GABRA1: variants seen among roughly 807,000 people sequenced by gnomAD.
GABRA1 encodes gamma-aminobutyric acid type A receptor subunit alpha1.
In GABRA1, 9 loss-of-function variants were observed where a neutral mutation model predicts 48.9. The ratio of observed to expected loss-of-function variants is 0.18; its 90% confidence interval spans 0.11 to 0.32. The LOEUF is 0.32. Among genes scored for constraint, GABRA1 ranks in the 10% least tolerant of loss-of-function variants. GABRA1 has a pLI of 1.00. For missense variants in GABRA1, 285 were observed against 553.8 expected, an observed-to-expected ratio of 0.51 and a Z score of 4.87; for synonymous variants, 210 against 198.7, an observed-to-expected ratio of 1.06 and a Z score of -0.48.
At chr5:161,893,048 T>TAAAAAAATA (rs3078113) in intron 8 of GABRA1, among the ~76,000 whole-genome samples, 1 of 141,994 alleles carries the variant, frequency 7.0e-6, no homozygotes, top group African/African-American at 2.6e-5. Context: ...ATAATAATAA[T>TAAAAAAATA]AAAATAAACA....
intron 5 of GABRA1, 60 bp downstream of exon 5, chr5:161,873,397 A>T: frequency 7.4e-7 from 1 of 1,347,846 alleles, no homozygotes; most frequent in Non-Finnish European, 1.1e-6. Context: ...TTCCACTTGT[A>T]GGCAATCATC....
chr5:161,847,246 TC>T (rs1757250084), upstream of GABRA1: 1 of 152,128 alleles, frequency 6.6e-6, no homozygotes, highest in South Asian at 2.1e-4. Context: ...CGTCCTGACT[TC>T]TAAAAATTCC....
In GABRA1 at chr5:161,865,375, T is replaced by G. The variant is rs112864552; in HGVS notation, c.188-346T>G. Reference sequence around the variant, plus strand: ...ATCTGTCTAGCCATGTAAAAATACTTAAGCTTAAGCTATACCAACATGTTA... The same window carrying G: ...ATCTGTCTAGCCATGTAAAAATACTGAAGCTTAAGCTATACCAACATGTTA... On this transcript the variant is annotated intron_variant, in intron 3 of 9. Transcript: ENST00000393943. Among the ~76,000 whole-genome samples the G allele has an allele frequency of 5.9e-5, 9 of 152,220 alleles. No homozygotes were observed. In the East Asian group the frequency reaches 1.7e-3, roughly 29 times the overall value.
At position 161,873,125 on chromosome 5, in the gene GABRA1, A is replaced by G; in HGVS notation, c.264A>G (p.Thr88=). 6.2e-7 allele frequency: 1 copy of G among 1,608,126 alleles called. No individual in the cohort carries two copies. Among genetic ancestry groups the G allele is most frequent in the Non-Finnish European group, 8.5e-7 (1 of 1,174,564 alleles). The part of the protein sequence containing the change: ...GPVSDHDMEY[T]IDVFFRQSWK... ...TTTCCAAAATTACCTAGGAATATAC[A>G]ATAGATGTATTTTTCCGTCAAAGCT... is the stretch of plus-strand genomic sequence containing the variant. Residue 88 remains threonine, a synonymous_variant, in exon 5 of 10, where the codon ACA becomes ACG. Coordinates refer to ENST00000393943, the MANE Select transcript of GABRA1 (RefSeq NM_001127644.2).
intron 3 of GABRA1, among the ~76,000 whole-genome samples, chr5:161,861,640 T>G (rs1038424705): frequency 6.6e-6 from 1 of 151,800 alleles, no homozygotes; most frequent in African/African-American, 2.4e-5. Context: ...ACATATCATC[T>G]AGGGGATAGT....
intron 7 of GABRA1, among the ~76,000 whole-genome samples, chr5:161,888,923 T>C (rs539441313): frequency 6.4e-4 from 98 of 152,162 alleles, no homozygotes; most frequent in Non-Finnish European, 1.2e-3. Flanking sequence ...TTTCACTATA[T>C]GAAGGTATTA....
Position 161,895,803 on chromosome 5 carries a change from G to T in GABRA1, c.994G>T (p.Ala332Ser). Residue 332 changes from alanine to serine, a missense_variant, in exon 9 of 10, where the codon GCC becomes TCC. Around this residue, in one of 6 missense-constraint regions of GABRA1, gnomAD observed 14 missense variants for 113.8 expected, o/e 0.12. Coordinates refer to ENST00000393943, the MANE Select transcript of GABRA1 (RefSeq NM_001127644.2). ...TGTGTTCTCAGCTCTGATTGAGTTT[G>T]CCACAGTAAACTATTTCACTAAGAG... ...AFVFSALIEF[A>S]TVNYFTKRGY... The T allele has an allele frequency of 6.2e-7, 1 of 1,614,006 alleles. No individual in the cohort carries two copies. Among genetic ancestry groups the T allele is most frequent in the Non-Finnish European group, 8.5e-7 (1 of 1,179,946 alleles).
At chr5:161,873,451 A>G (rs1412971520) in intron 5 of GABRA1, 114 bp downstream of exon 5, 7 of 860,800 alleles carry the variant, frequency 8.1e-6, no homozygotes, top group African/African-American at 1.7e-5. Flanking sequence ...TTGTTTTTCA[A>G]CCTTAACAAT....
intron 2 of GABRA1, chr5:161,853,591 A>T (rs1270730507): frequency 6.6e-6 from 1 of 151,924 alleles, no homozygotes; most frequent in Non-Finnish European, 1.5e-5. Flanking sequence ...ATGAATCTTA[A>T]GAGGAATGGA....
At chr5:161,878,553 C>T (rs1161353416) in intron 6 of GABRA1, among the ~76,000 whole-genome samples, 1 of 152,168 alleles carries the variant, frequency 6.6e-6, no homozygotes, top group Non-Finnish European at 1.5e-5. Context: ...TCTGAAGCAA[C>T]CTTATCCATA....
chr5:161,867,551 T>C (rs1753923343), intron 4 of GABRA1, among the ~76,000 whole-genome samples: 1 of 152,144 alleles, frequency 6.6e-6, no homozygotes, highest in Non-Finnish European at 1.5e-5. Context: ...GTATATATTA[T>C]TATAGTTGCC....
intron 6 of GABRA1, among the ~76,000 whole-genome samples, chr5:161,881,080 A>G (rs1414931263): frequency 6.6e-6 from 1 of 152,224 alleles, no homozygotes; most frequent in Non-Finnish European, 1.5e-5. Context: ...ATTTCAAAAG[A>G]AATTAAAATA....
chr5:161,859,664 C>A (rs377508346), intron 3 of GABRA1, among the ~76,000 whole-genome samples: 1 of 151,388 alleles, frequency 6.6e-6, no homozygotes, highest in Non-Finnish European at 1.5e-5. Context: ...TTTTAATATC[C>A]CTTGTAACAT....
At chr5:161,856,669 C>CT (rs1168080245) in intron 3 of GABRA1, among the ~76,000 whole-genome samples, 4 of 150,708 alleles carry the variant, frequency 2.7e-5, no homozygotes, top group Non-Finnish European at 5.9e-5. Flanking sequence ...ACTGATTAAA[C>CT]TTTTTTTTAA....
At chr5:161,860,634 G>A (rs1029840261) in intron 3 of GABRA1, among the ~76,000 whole-genome samples, 15 of 151,152 alleles carry the variant, frequency 9.9e-5, no homozygotes, top group Admixed American at 7.3e-4. Flanking sequence ...AACTAAAAGA[G>A]TATAATTGGA....
chr5:161,888,299 G>C (rs1194029585), intron 7 of GABRA1, among the ~76,000 whole-genome samples: 1 of 152,052 alleles, frequency 6.6e-6, no homozygotes, highest in South Asian at 2.1e-4. Context: ...ATTACAACAT[G>C]ATTCTGATGT....
intron 5 of GABRA1, among the ~76,000 whole-genome samples, chr5:161,875,113 G>T (rs1324668582): frequency 6.6e-6 from 1 of 152,132 alleles, no homozygotes; most frequent in South Asian, 2.1e-4. Context: ...TGCATTTGGT[G>T]CTATTTTAGA....
intron 6 of GABRA1, among the ~76,000 whole-genome samples, chr5:161,877,683 T>C (rs957261408): frequency 6.6e-6 from 1 of 152,218 alleles, no homozygotes; most frequent in Non-Finnish European, 1.5e-5. Context: ...ATATTTTTAA[T>C]TGGACACATT....
At chr5:161,866,255 A>C (rs1353818346) in intron 4 of GABRA1, among the ~76,000 whole-genome samples, 1 of 152,106 alleles carries the variant, frequency 6.6e-6, no homozygotes, top group African/African-American at 2.4e-5. Flanking sequence ...AAAAATACTT[A>C]AAACACACCA....
Sources: gnomAD v4.1 joint callset for allele counts (sites outside exome capture counted in the v4.1 genomes callset) on GRCh38, gnomAD v4.1.1 for gene constraint, gnomAD v4.1.1 regional missense constraint, MANE v1.5 for transcripts, NCBI Gene and HGNC (gene_info 2026-07-23, HGNC 2026-07-21) for gene names.